Variants in ROBO1 observed in about 807,000 individuals in gnomAD.
ROBO1 encodes roundabout homolog 1.
ROBO1 carries 149 observed loss-of-function variants against 195.9 expected under a neutral mutation model. The observed-to-expected ratio is 0.76, with a 90% CI of 0.67 to 0.87. The LOEUF (loss-of-function observed/expected upper bound fraction) is 0.87, where lower values mean the gene tolerates loss of function less well. Among genes scored for constraint, ROBO1 ranks in the 40% least tolerant of loss-of-function variants. The pLI is 0.00. For synonymous variants in ROBO1, 816 were observed against 733.2 expected (o/e 1.11, Z -1.82); for missense variants, 1,933 against 2,068.3 (o/e 0.93, Z 1.27).
At chr3:79,244,919 A>C (rs2082596339) in intron 2 of ROBO1, among the ~76,000 whole-genome samples, 1 of 152,058 alleles carries the variant, frequency 6.6e-6, no homozygotes, top group Non-Finnish European at 1.5e-5. Flanking sequence ...TGAAATTAGA[A>C]TGCTAACAGC....
chr3:79,427,791 C>A (rs2038508827), intron 2 of ROBO1, among the ~76,000 whole-genome samples: 1 of 152,120 alleles, frequency 6.6e-6, no homozygotes, highest in African/African-American at 2.4e-5. Flanking sequence ...AAAATCACAT[C>A]AAAATGGATT....
chr3:79,635,580 A>ATTTT (rs1454531492), intron 1 of ROBO1, among the ~76,000 whole-genome samples: 1 of 152,154 alleles, frequency 6.6e-6, no homozygotes, highest in Non-Finnish European at 1.5e-5. Flanking sequence ...TTTGAATTTT[A>ATTTT]TTTTTGTTTC....
At chr3:79,755,568 T>G (rs1704341800) in intron 1 of ROBO1, among the ~76,000 whole-genome samples, 1 of 152,128 alleles carries the variant, frequency 6.6e-6, no homozygotes, top group Non-Finnish European at 1.5e-5. Flanking sequence ...ATCTGTAGGA[T>G]GCCAAATTAC....
intron 4 of ROBO1, among the ~76,000 whole-genome samples, chr3:78,794,904 A>T (rs140586804): frequency 2.6e-5 from 4 of 152,156 alleles, no homozygotes; most frequent in Non-Finnish European, 1.5e-5. Flanking sequence ...CTTTACCAGT[A>T]ATTGCATTCT....
chr3:79,380,419 A>G (rs1278060658), intron 2 of ROBO1, among the ~76,000 whole-genome samples: 1 of 152,168 alleles, frequency 6.6e-6, no homozygotes, highest in African/African-American at 2.4e-5. Flanking sequence ...CCAAGTCATC[A>G]GCACCCATTG....
chr3:78,661,979 T>C lies in ROBO1; in HGVS notation c.2088+14A>G, dbSNP rs746562545. On this transcript the variant is annotated intron_variant, in intron 15 of 30. Coordinates refer to ENST00000464233, the MANE Select transcript of ROBO1 (RefSeq NM_002941.4). ...CGCTTATTAAAACTGAGATCAAATATTGTAACAACTCACTGTCCAGTGCAC... is the reference window on the plus strand; with the variant it reads ...CGCTTATTAAAACTGAGATCAAATACTGTAACAACTCACTGTCCAGTGCAC... 4.4e-6 allele frequency: 7 copies of C among 1,604,060 alleles called. No individual in the cohort carries two copies. The African/African-American group carries it at 8.0e-5, about 18-fold the overall frequency.
chr3:78,711,398 C>CCTTCCTTCCTTTCTTT (rs2081724186), intron 8 of ROBO1, among the ~76,000 whole-genome samples: 2 of 39,886 alleles, frequency 5.0e-5, no homozygotes, highest in Non-Finnish European at 1.2e-4. Context: ...TTCCTTCCTT[C>CCTTCCTTCCTTTCTTT]CTTTCTTTCT....
intron 1 of ROBO1, among the ~76,000 whole-genome samples, chr3:79,751,600 A>G (rs1704133659): frequency 6.6e-6 from 1 of 152,152 alleles, no homozygotes; most frequent in Non-Finnish European, 1.5e-5. Context: ...ACCCACTGTT[A>G]AATGTACAAG....
In ROBO1 at chr3:79,577,943, A is replaced by G. The variant is rs1943547075; in HGVS notation, c.88+11881T>C. 3.3e-5 allele frequency among the ~76,000 whole-genome samples: 5 copies of G among 151,918 alleles called. No individual in the cohort carries two copies. The South Asian group carries it at 1.0e-3, about 32-fold the overall frequency. ...AAAAAACAAAAAACAAAAAAACCCA[A>G]AAAACAAAAAACTCTTAATAAGTAG... On this transcript the variant is annotated intron_variant, in intron 2 of 30. Coordinates refer to ENST00000464233, the MANE Select transcript of ROBO1 (RefSeq NM_002941.4).
At chr3:79,171,471 TA>T in intron 2 of ROBO1, among the ~76,000 whole-genome samples, 1 of 149,874 alleles carries the variant, frequency 6.7e-6, no homozygotes, top group African/African-American at 2.4e-5. Flanking sequence ...CTTTTGTTGA[TA>T]TTCTAGATTT....
intron 1 of ROBO1, among the ~76,000 whole-genome samples, chr3:79,724,222 A>G (rs939362385): frequency 6.6e-6 from 1 of 152,224 alleles, no homozygotes; most frequent in Non-Finnish European, 1.5e-5. Context: ...AAAGAACAAC[A>G]TTGGAATTAT....
chr3:78,933,065 A>C (rs2039617748), intron 4 of ROBO1, among the ~76,000 whole-genome samples: 1 of 152,126 alleles, frequency 6.6e-6, no homozygotes, highest in Non-Finnish European at 1.5e-5. Flanking sequence ...AACTAAACAG[A>C]TATGTGAGCC....
intron 1 of ROBO1, among the ~76,000 whole-genome samples, chr3:79,744,181 C>T (rs1307130918): frequency 1.3e-5 from 2 of 152,106 alleles, no homozygotes; most frequent in African/African-American, 4.8e-5. Context: ...ATGGCTATAA[C>T]TTCATTAAGC....
chr3:78,638,448 AGATT>A (rs1288918901), intron 22 of ROBO1, among the ~76,000 whole-genome samples: 3 of 151,836 alleles, frequency 2.0e-5, no homozygotes, highest in Non-Finnish European at 4.4e-5. Flanking sequence ...TTACTGTTGT[AGATT>A]ATTATTATTT....
intron 1 of ROBO1, among the ~76,000 whole-genome samples, chr3:79,762,367 T>A (rs1704743161): frequency 6.6e-6 from 1 of 152,084 alleles, no homozygotes; most frequent in Non-Finnish European, 1.5e-5. Flanking sequence ...CTAATTTTAA[T>A]TTCAGCATAT....
chr3:79,649,332 A>G (rs563941996), intron 1 of ROBO1, among the ~76,000 whole-genome samples: 196 of 152,196 alleles, frequency 1.3e-3, no homozygotes, highest in African/African-American at 4.4e-3. Context: ...TGTAATGTAT[A>G]TGTCTCCATA....
chr3:79,302,185 C>T (rs1004269985), intron 2 of ROBO1, among the ~76,000 whole-genome samples: 3 of 152,212 alleles, frequency 2.0e-5, no homozygotes, highest in African/African-American at 7.2e-5. Context: ...TCAACCTCTG[C>T]TCTCTTTCGC....
At chr3:79,539,968 G>GA (rs1942005095) in intron 2 of ROBO1, among the ~76,000 whole-genome samples, 3 of 151,930 alleles carry the variant, frequency 2.0e-5, no homozygotes, top group Admixed American at 1.3e-4. Context: ...TCTAGACTTT[G>GA]AAAATTATAA....
chr3:79,325,013 C>T (rs1031742138), intron 2 of ROBO1, among the ~76,000 whole-genome samples: 1 of 152,094 alleles, frequency 6.6e-6, no homozygotes, highest in African/African-American at 2.4e-5. Context: ...GGATTGAGAA[C>T]CATTTTAGAG....
Sources: gnomAD v4.1 joint callset for allele counts (sites outside exome capture counted in the v4.1 genomes callset) on GRCh38, gnomAD v4.1.1 for gene constraint, MANE v1.5 for transcripts, NCBI Gene and HGNC (gene_info 2026-07-23, HGNC 2026-07-21) for gene names.